The following INPP4B variants were observed in gnomAD, a reference collection of about 807,000 sequenced individuals.
The protein encoded by INPP4B is inositol polyphosphate 4-phosphatase type II.
Under a neutral mutation model 122.5 loss-of-function variants are expected in INPP4B, and 55 were observed. The ratio of observed to expected loss-of-function variants is 0.45; its 90% CI spans 0.36 to 0.56. INPP4B has a LOEUF of 0.56. Ranked by LOEUF, INPP4B falls within the 20% of genes least tolerant of loss-of-function variation. The pLI, the probability that INPP4B is intolerant of heterozygous loss-of-function variation, is 0.00. For synonymous variants in INPP4B, 403 were observed against 388.7 expected (o/e 1.04, Z -0.43); for missense variants, 1,000 against 1,097.7 (o/e 0.91, Z 1.26).
chr4:142,624,975 T>C lies in INPP4B; in HGVS notation c.-191+100864A>G, dbSNP rs1193922310. 1.8e-3 allele frequency among the ~76,000 whole-genome samples: 263 copies of C among 144,682 alleles called. 2 individuals are homozygous for C. The highest frequency in any genetic ancestry group is 5.7e-3 in the African/African-American group (228 of 39,772). 94.9% of individuals were successfully genotyped at this position (144,682 alleles called of 152,430 possible). A position where few individuals can be genotyped will look rare whatever the true frequency, so the allele number is the denominator to read the frequency against. ...CTCAATAAATTAGGTATTGATGGGA[T>C]GTATCTCAAAATAATAAGAGCTATC... On this transcript the variant is annotated intron_variant, in intron 2 of 25. Transcript: ENST00000262992.
rs554501892 is a variant in INPP4B at position 142,384,276 on chromosome 4, T to C, written c.372+18662A>G. Among the ~76,000 whole-genome samples, 6 of 152,330 alleles carry C rather than the reference T, an allele frequency of 3.9e-5. No homozygotes were observed. The East Asian group carries it at 9.6e-4, about 24-fold the overall frequency. Reference sequence around the variant, plus strand: ...ACAACTTCACTAAATTACATTCCAATGAATTACAGTCATGCATTGCATAAT... The same window carrying C: ...ACAACTTCACTAAATTACATTCCAACGAATTACAGTCATGCATTGCATAAT... On this transcript the variant is annotated intron_variant, in intron 7 of 25. Transcript: ENST00000262992.
At chr4:142,344,565 GCT>G (rs1779713070) in intron 7 of INPP4B, among the ~76,000 whole-genome samples, 2 of 152,136 alleles carry the variant, frequency 1.3e-5, no homozygotes, top group South Asian at 4.2e-4. Flanking sequence ...CCTTTTTCCA[GCT>G]GTACACTTTT....
At chr4:142,165,346 A>T (rs2152923777) in intron 16 of INPP4B, among the ~76,000 whole-genome samples, 1 of 151,816 alleles carries the variant, frequency 6.6e-6, no homozygotes, top group African/African-American at 2.4e-5. Flanking sequence ...TCAAAACTCG[A>T]TCCTTACATT....
chr4:142,823,420 A>G (rs549997610), intron 1 of INPP4B, among the ~76,000 whole-genome samples: 1 of 152,298 alleles, frequency 6.6e-6, no homozygotes, highest in African/African-American at 2.4e-5. Context: ...ATAATAATAA[A>G]AGATGTAAAA....
rs193034692 is a variant in INPP4B at position 142,650,766 on chromosome 4, A to G, written c.-191+75073T>C. On this transcript the variant is annotated intron_variant, in intron 2 of 25. Transcript: ENST00000262992. ...AAGAGATTTAGACACCCACACAAGA[A>G]TAATGGGAGATTTTAACACCCCACT... Among the ~76,000 whole-genome samples the G allele has an allele frequency of 9.8e-5, 15 of 152,324 alleles. No individual in the cohort carries two copies. The East Asian group carries it at 2.9e-3, about 29-fold the overall frequency.
chr4:142,169,368 T>C (rs900719042), intron 16 of INPP4B, among the ~76,000 whole-genome samples: 1 of 151,674 alleles, frequency 6.6e-6, no homozygotes, highest in Non-Finnish European at 1.5e-5. Flanking sequence ...CATTAAGTTC[T>C]TTCCCACAGT....
chr4:142,842,356 T>C (rs1434174645), intron 1 of INPP4B, among the ~76,000 whole-genome samples: 1 of 151,062 alleles, frequency 6.6e-6, no homozygotes, highest in Non-Finnish European at 1.5e-5. Context: ...TCTATTATAA[T>C]AGCTAATGTT....
chr4:142,582,039 C>T (rs1735193560), intron 2 of INPP4B, among the ~76,000 whole-genome samples: 1 of 152,080 alleles, frequency 6.6e-6, no homozygotes, highest in South Asian at 2.1e-4. Flanking sequence ...TATTAGCTAG[C>T]AATTTGGCAT....
At chr4:142,394,725 C>T (rs1798812073) in intron 7 of INPP4B, among the ~76,000 whole-genome samples, 1 of 152,160 alleles carries the variant, frequency 6.6e-6, no homozygotes, top group African/African-American at 2.4e-5. Flanking sequence ...ATCCCCTTAT[C>T]AGATGTATGA....
At chr4:142,805,311 A>G (rs1778547486) in intron 1 of INPP4B, among the ~76,000 whole-genome samples, 1 of 152,218 alleles carries the variant, frequency 6.6e-6, no homozygotes, top group African/African-American at 2.4e-5. Context: ...AACATTATAT[A>G]AGATGTATTA....
At chr4:142,506,446 T>G (rs1311578985) in intron 2 of INPP4B, among the ~76,000 whole-genome samples, 1 of 152,160 alleles carries the variant, frequency 6.6e-6, no homozygotes, top group African/African-American at 2.4e-5. Context: ...AAAGAAGGGT[T>G]AGGCTTTTCA....
At chr4:142,842,498 C>G (rs1005280778) in intron 1 of INPP4B, among the ~76,000 whole-genome samples, 7 of 138,616 alleles carry the variant, frequency 5.0e-5, no homozygotes, top group Non-Finnish European at 9.3e-5. Flanking sequence ...TACAACTGTG[C>G]CTTATTTAAA....
intron 2 of INPP4B, among the ~76,000 whole-genome samples, chr4:142,470,573 C>T (rs1277573610): frequency 1.3e-5 from 2 of 152,156 alleles, no homozygotes; most frequent in Admixed American, 6.5e-5. Context: ...ATTTCAGGCA[C>T]ATCCTATTTT....
chr4:142,209,818 G>T (rs1419492471), intron 12 of INPP4B, among the ~76,000 whole-genome samples: 1 of 58,390 alleles, frequency 1.7e-5, no homozygotes, highest in African/African-American at 5.7e-5. Context: ...AAAAAAAAAA[G>T]CCCAGATAAT....
At chr4:142,340,475 A>G (rs1778318172) in intron 7 of INPP4B, among the ~76,000 whole-genome samples, 1 of 151,996 alleles carries the variant, frequency 6.6e-6, no homozygotes, top group Admixed American at 6.6e-5. Context: ...TGGCACAATC[A>G]TGGCTCATTT....
intron 2 of INPP4B, among the ~76,000 whole-genome samples, chr4:142,520,698 G>A (rs1288292878): frequency 6.6e-6 from 1 of 151,852 alleles, no homozygotes; most frequent in Non-Finnish European, 1.5e-5. Context: ...ATTTTACTCT[G>A]AGAAATTATT....
rs112814923 is a variant in INPP4B, at chr4:142,189,614, TA to T, written c.1181+3472del. Among the ~76,000 whole-genome samples the T allele has an allele frequency of 3.0e-3, 457 of 152,188 alleles. 3 individuals carry two copies. The highest frequency in any genetic ancestry group is 0.01 in the African/African-American group (423 of 41,522). Reference sequence around the variant, plus strand: ...CATGGACCATGTGTAGAATTTTGAATAGGATTATGTAAATGGCTTTCACAGA... The same window carrying T: ...CATGGACCATGTGTAGAATTTTGAATGGATTATGTAAATGGCTTTCACAGA... On this transcript the variant is annotated intron_variant, in intron 15 of 25. Coordinates refer to ENST00000262992, the MANE Select transcript of INPP4B (RefSeq NM_001101669.3).
chr4:142,213,131 T>TA (rs1845593838), intron 12 of INPP4B, among the ~76,000 whole-genome samples: 1 of 152,146 alleles, frequency 6.6e-6, no homozygotes, highest in East Asian at 1.9e-4. Flanking sequence ...TAGGCATTCT[T>TA]AGGCTATCGG....
chr4:142,455,034 T>C (rs1404738568), intron 3 of INPP4B, among the ~76,000 whole-genome samples: 1 of 152,010 alleles, frequency 6.6e-6, no homozygotes, highest in South Asian at 2.1e-4. Flanking sequence ...ATATTTTAAA[T>C]TTTTGTGAGT....
Sources: allele counts gnomAD v4.1 joint callset (sites outside exome capture counted in the v4.1 genomes callset), GRCh38; gene constraint gnomAD v4.1.1; transcripts MANE v1.5; gene names NCBI Gene and HGNC (gene_info 2026-07-23, HGNC 2026-07-21).